PIR: variants seen among roughly 807,000 people sequenced by gnomAD.
PIR encodes the protein pirin.
PIR carries 22 observed loss-of-function variants against 24.2 expected under a neutral mutation model. The ratio of observed to expected loss-of-function variants is 0.91; its 90% CI spans 0.65 to 1.30. The LOEUF (loss-of-function observed/expected upper bound fraction) is 1.30. Among genes scored for constraint, PIR ranks in the 50% most tolerant of loss-of-function variants. The pLI, the probability that PIR is intolerant of heterozygous loss-of-function variation, is 0.00. For synonymous variants in PIR, 80 were observed against 79.6 expected (o/e 1.00, Z -0.03); for missense variants, 220 against 220.3 (o/e 1.00, Z 0.01).
chrX:15,465,279 G>GAA (rs34856371), intron 3 of PIR, among the ~76,000 whole-genome samples: 10 of 107,862 alleles, frequency 9.3e-5, no homozygotes, highest in East Asian at 2.9e-4. Context: ...AGCCTTTGGG[G>GAA]AAAAAAAAAT....
intron 7 of PIR, among the ~76,000 whole-genome samples, chrX:15,400,905 A>AT (rs34297813): frequency 9.3e-6 from 1 of 107,999 alleles, no homozygotes; most frequent in African/African-American, 3.4e-5. Flanking sequence ...AGCCCGGCTA[A>AT]TTTTTTGTAT....
At chrX:15,433,517 A>G (rs1925583556) in intron 5 of PIR, among the ~76,000 whole-genome samples, 1 of 23,849 alleles carries the variant, frequency 4.2e-5, no homozygotes, top group Non-Finnish European at 7.4e-5. Context: ...AGGAGGAAAG[A>G]AAGAAAGAAA....
At chrX:15,485,134 G>A (rs1569212912) in intron 2 of PIR, among the ~76,000 whole-genome samples, 2 of 112,468 alleles carry the variant, frequency 1.8e-5, no homozygotes, top group Non-Finnish European at 3.8e-5. Context: ...CCCAATTTCA[G>A]TGCCAATTTT....
chrX:15,409,415 C>T (rs1388622598), intron 6 of PIR, among the ~76,000 whole-genome samples: 1 of 111,162 alleles, frequency 9.0e-6, no homozygotes, highest in African/African-American at 3.3e-5. Flanking sequence ...TTTAGTCTTC[C>T]GAGCTTTGTC....
intron 2 of PIR, among the ~76,000 whole-genome samples, chrX:15,486,679 T>A (rs749984658): frequency 9.0e-6 from 1 of 111,538 alleles, no homozygotes; most frequent in Non-Finnish European, 1.9e-5. Context: ...CCTTCCCCTC[T>A]TCCTCCTTTC....
At chrX:15,461,716 G>C (rs2147062955) in intron 3 of PIR, among the ~76,000 whole-genome samples, 1 of 112,332 alleles carries the variant, frequency 8.9e-6, no homozygotes, top group South Asian at 3.7e-4. Flanking sequence ...TCGGGAGGCA[G>C]AGGTTGCAGT....
At chrX:15,449,189 GC>G (rs1926205436) in intron 5 of PIR, among the ~76,000 whole-genome samples, 1 of 111,731 alleles carries the variant, frequency 9.0e-6, no homozygotes, top group African/African-American at 3.3e-5. Context: ...GTGCATAGAA[GC>G]AAGGAGATAA....
At chrX:15,416,322 T>C (rs1924914743) in intron 6 of PIR, among the ~76,000 whole-genome samples, 2 of 111,894 alleles carry the variant, frequency 1.8e-5, no homozygotes, top group South Asian at 7.3e-4. Flanking sequence ...AGACTCAAAA[T>C]GTAAAATTCT....
intron 5 of PIR, among the ~76,000 whole-genome samples, chrX:15,428,089 TAGA>T (rs770135386): frequency 9.0e-6 from 1 of 111,592 alleles, no homozygotes; most frequent in African/African-American, 3.3e-5. Flanking sequence ...TTGCATGGCT[TAGA>T]AGGTCAAGCT....
chrX:15,445,977 C>A (rs1926087205), intron 5 of PIR, among the ~76,000 whole-genome samples: 1 of 107,774 alleles, frequency 9.3e-6, no homozygotes, highest in Admixed American at 9.9e-5. Flanking sequence ...CTACAGGCAC[C>A]CACCACCACG....
intron 3 of PIR, 140 bp downstream of exon 3, chrX:15,479,589 G>C: frequency 3.0e-6 from 1 of 330,248 alleles, no homozygotes; most frequent in Non-Finnish European, 5.4e-6. Context: ...TTAAATTTGA[G>C]TATATCTTAT....
At chrX:15,390,560 C>T (rs181501938) in intron 8 of PIR, among the ~76,000 whole-genome samples, 1 of 111,407 alleles carries the variant, frequency 9.0e-6, no homozygotes, top group East Asian at 2.8e-4. Flanking sequence ...GATTAAATGG[C>T]TTATCATGGG....
chrX:15,406,943 T>C (rs1328567367), intron 7 of PIR, among the ~76,000 whole-genome samples: 1 of 112,483 alleles, frequency 8.9e-6, no homozygotes, highest in Non-Finnish European at 1.9e-5. Flanking sequence ...CATCCACCAA[T>C]GCGTAACCCT....
rs747474045 is a variant in PIR at position 15,445,756 on chromosome X, AAGGT to A, written c.480+10088_480+10091del. 4.6e-5 allele frequency among the ~76,000 whole-genome samples: 5 copies of A among 109,842 alleles called. No individual in the cohort carries two copies. In the South Asian group the frequency reaches 2.0e-3, roughly 44 times the overall value. ...TTTGTTGGCTCAGGGAGGGAGGTAA[AAGGT>A]AAAGAATACAGATGAGAAACTAGCC... On this transcript the variant is annotated intron_variant, in intron 5 of 9. Coordinates refer to ENST00000380420, the MANE Select transcript of PIR (RefSeq NM_001018109.3).
At chrX:15,449,706 A>AT (rs1319933469) in intron 5 of PIR, among the ~76,000 whole-genome samples, 1 of 112,189 alleles carries the variant, frequency 8.9e-6, no homozygotes, top group African/African-American at 3.2e-5. Flanking sequence ...ATTTGTATCC[A>AT]TTTTTCTTAT....
At chrX:15,434,287 AAAG>A (rs773305451) in intron 5 of PIR, among the ~76,000 whole-genome samples, 18 of 100,900 alleles carry the variant, frequency 1.8e-4, no homozygotes, top group Non-Finnish European at 3.2e-4. Flanking sequence ...GAAAGAGGAG[AAAG>A]AAGAAGGAGA....
chrX:15,405,029 C>G (rs1924511813), intron 7 of PIR, among the ~76,000 whole-genome samples: 1 of 111,658 alleles, frequency 9.0e-6, no homozygotes, highest in African/African-American at 3.3e-5. Flanking sequence ...CCTGCCTCAT[C>G]TCAAGAAAAA....
At chrX:15,424,859 C>T (rs1925254118) in intron 6 of PIR, among the ~76,000 whole-genome samples, 2 of 110,419 alleles carry the variant, frequency 1.8e-5, no homozygotes, top group Non-Finnish European at 3.8e-5. Flanking sequence ...ATTAGCTGGG[C>T]ATAGTGGCAC....
intron 5 of PIR, among the ~76,000 whole-genome samples, chrX:15,430,933 T>C (rs1473844279): frequency 2.7e-5 from 3 of 112,221 alleles, no homozygotes; most frequent in Non-Finnish European, 5.6e-5. Context: ...CTGCTGTTTT[T>C]ACCACCATCT....
Sources: gnomAD v4.1 joint callset for allele counts (sites outside exome capture counted in the v4.1 genomes callset) on GRCh38, gnomAD v4.1.1 for gene constraint, MANE v1.5 for transcripts, NCBI Gene and HGNC (gene_info 2026-07-23, HGNC 2026-07-21) for gene names.